Variants in PARP8 observed in about 807,000 individuals in gnomAD.
PARP8 encodes the protein protein mono-ADP-ribosyltransferase PARP8.
Under a neutral mutation model 124.1 loss-of-function variants are expected in PARP8, and 51 were observed. The observed-to-expected ratio is 0.41, with a 90% CI of 0.33 to 0.52. The LOEUF (loss-of-function observed/expected upper bound fraction) is 0.52, where lower values mean the gene tolerates loss of function less well. Among genes scored for constraint, PARP8 ranks in the 20% least tolerant of loss-of-function variants. The probability of loss-of-function intolerance (pLI) is 0.21; values close to 1 mark genes in which losing one functional copy is unlikely to be tolerated. For synonymous variants in PARP8, 391 were observed against 361.5 expected (o/e 1.08, Z -0.93); for missense variants, 860 against 1,018.9 (o/e 0.84, Z 2.12).
chr5:50,777,824 C>A (rs1404600213), intron 7 of PARP8, among the ~76,000 whole-genome samples: 1 of 152,194 alleles, frequency 6.6e-6, no homozygotes, highest in South Asian at 2.1e-4. Context: ...ATGAACCAAG[C>A]AACTCTTGAT....
intron 7 of PARP8, among the ~76,000 whole-genome samples, chr5:50,765,848 C>T (rs748685404): frequency 6.6e-6 from 1 of 152,190 alleles, no homozygotes; most frequent in African/African-American, 2.4e-5. Context: ...AAATCATCTT[C>T]CTTGCAAAGT....
chr5:50,777,990 T>G, intron 7 of PARP8, 79 bp from the exon 8 acceptor site: 1 of 1,093,670 alleles, frequency 9.1e-7, no homozygotes, highest in Non-Finnish European at 1.3e-6. Context: ...GATTTAAAAT[T>G]TTAAATAAAA....
chr5:50,710,979 C>T, intron 2 of PARP8, among the ~76,000 whole-genome samples: 1 of 152,206 alleles, frequency 6.6e-6, no homozygotes, highest in East Asian at 1.9e-4. Context: ...ACATATGTGC[C>T]TGTGCATACA....
At chr5:50,805,075 G>A (rs542580815) in intron 14 of PARP8, among the ~76,000 whole-genome samples, 7 of 152,194 alleles carry the variant, frequency 4.6e-5, no homozygotes, top group African/African-American at 1.7e-4. Flanking sequence ...GTTGACTCAG[G>A]CCATTTTTGC....
At chr5:50,838,110 A>G (rs1158337116) in intron 25 of PARP8, among the ~76,000 whole-genome samples, 7 of 152,120 alleles carry the variant, frequency 4.6e-5, no homozygotes, top group Admixed American at 1.3e-4. Flanking sequence ...TTTGCCCTCA[A>G]AAAGGGCTAA....
intron 2 of PARP8, among the ~76,000 whole-genome samples, chr5:50,685,729 G>T (rs1447232545): frequency 6.6e-6 from 1 of 152,140 alleles, no homozygotes; most frequent in Non-Finnish European, 1.5e-5. Context: ...GGTTTAATTG[G>T]ACTTACAGTT....
At chr5:50,738,585 T>A (rs1757707528) in intron 2 of PARP8, among the ~76,000 whole-genome samples, 2 of 152,106 alleles carry the variant, frequency 1.3e-5, no homozygotes, top group South Asian at 2.1e-4. Flanking sequence ...TGATTTCAGT[T>A]GTAAGAAACA....
intron 2 of PARP8, among the ~76,000 whole-genome samples, chr5:50,716,600 T>C (rs558980303): frequency 3.9e-5 from 6 of 152,230 alleles, no homozygotes; most frequent in African/African-American, 1.4e-4. Flanking sequence ...ATTCAGCTTA[T>C]GTGACACCTA....
At position 50,667,618 on chromosome 5, in the gene PARP8, G is replaced by A. The variant is rs577468995; in HGVS notation, c.91+432G>A. The A allele has an allele frequency of 6.4e-5, 45 of 699,000 alleles. No homozygotes were observed. The East Asian group carries it at 9.9e-4, about 15-fold the overall frequency. The allele number at this position is 699,000 out of a possible 1,614,324, so 43.3% of individuals were successfully genotyped here. A position where few individuals can be genotyped will look rare whatever the true frequency, so the allele number is the denominator to read the frequency against. On this transcript the variant is annotated intron_variant, in intron 1 of 25. Transcript: ENST00000281631. ...GCTGCGCTTGTAAGCTGCGCCCGGC[G>A]CCGAGGACCCCCGGGGGGCAGCGCT...
At chr5:50,814,065 G>A (rs1744806848) in intron 14 of PARP8, among the ~76,000 whole-genome samples, 2 of 152,120 alleles carry the variant, frequency 1.3e-5, no homozygotes, top group South Asian at 4.1e-4. Flanking sequence ...AATTCCCAAG[G>A]CCTTTTATGA....
intron 2 of PARP8, among the ~76,000 whole-genome samples, chr5:50,694,746 A>G (rs1219469879): frequency 6.6e-6 from 1 of 152,210 alleles, no homozygotes; most frequent in South Asian, 2.1e-4. Context: ...GTGAAATCCC[A>G]CAATAGTCTG....
chr5:50,788,685 A>C lies in PARP8; in HGVS notation c.737+96A>C, dbSNP rs1741596010. On this transcript the variant is annotated intron_variant, in intron 10 of 25. Transcript: ENST00000281631. ...CAAACAAACAAAAACCTATTCAGTA[A>C]GAACTTTTTGAAGCAAGTCCCTCAA... is the stretch of plus-strand genomic sequence containing the variant. 3 of 1,034,820 alleles carry C rather than the reference A, an allele frequency of 2.9e-6. No individual in the cohort carries two copies. The South Asian group carries it at 4.4e-5, about 15-fold the overall frequency. The allele number at this position is 1,034,820 out of a possible 1,614,324, so 64.1% of individuals were successfully genotyped here.
At chr5:50,667,910 A>G (rs1406111227) in intron 1 of PARP8, 161 bp from the exon 2 acceptor site, 78 of 1,495,554 alleles carry the variant, frequency 5.2e-5, no homozygotes, top group Non-Finnish European at 2.3e-5. Context: ...GGCGCGCCGC[A>G]TCCCCTCGGA....
At chr5:50,835,319 G>A (rs532933612) in intron 25 of PARP8, among the ~76,000 whole-genome samples, 1 of 152,176 alleles carries the variant, frequency 6.6e-6, no homozygotes, top group Non-Finnish European at 1.5e-5. Flanking sequence ...GAGGCGGGTG[G>A]ATCACCTAAG....
intron 3 of PARP8, among the ~76,000 whole-genome samples, chr5:50,757,636 A>G (rs1337620842): frequency 6.6e-6 from 1 of 152,182 alleles, no homozygotes; most frequent in Non-Finnish European, 1.5e-5. Context: ...TGAAGGCATA[A>G]TGCTGTCTAG....
At chr5:50,797,109 T>G in intron 13 of PARP8, 29 bp from the exon 14 acceptor site, 1 of 1,608,536 alleles carries the variant, frequency 6.2e-7, no homozygotes, top group Non-Finnish European at 8.5e-7. Flanking sequence ...GAGCTTGTCT[T>G]AATTATTTTT....
At chr5:50,734,175 A>T (rs1757260601) in intron 2 of PARP8, among the ~76,000 whole-genome samples, 2 of 152,102 alleles carry the variant, frequency 1.3e-5, no homozygotes, top group South Asian at 2.1e-4. Context: ...TTTATTTCAG[A>T]TCCCATTTGG....
At chr5:50,796,110 A>C (rs1464484117) in intron 12 of PARP8, among the ~76,000 whole-genome samples, 1 of 152,226 alleles carries the variant, frequency 6.6e-6, no homozygotes, top group African/African-American at 2.4e-5. Context: ...GCTAGTGATA[A>C]ATTCATAGAC....
At chr5:50,821,392 A>G in intron 16 of PARP8, 54 bp downstream of exon 16, 1 of 1,587,594 alleles carries the variant, frequency 6.3e-7, no homozygotes, top group Non-Finnish European at 8.6e-7. Flanking sequence ...CAATAACAAC[A>G]ATATTGAGAT....
Sources: gnomAD v4.1 joint callset for allele counts (sites outside exome capture counted in the v4.1 genomes callset) on GRCh38, gnomAD v4.1.1 for gene constraint, MANE v1.5 for transcripts, NCBI Gene and HGNC (gene_info 2026-07-23, HGNC 2026-07-21) for gene names.